SOX5: variants seen among roughly 807,000 people sequenced by gnomAD.
The protein encoded by SOX5 is transcription factor SOX-5.
SOX5 carries 9 observed loss-of-function variants against 92.0 expected under a neutral mutation model. The observed-to-expected ratio is 0.10, with a 90% CI of 0.06 to 0.17. The LOEUF (loss-of-function observed/expected upper bound fraction) is 0.17, where lower values mean the gene tolerates loss of function less well. Ranked by LOEUF, SOX5 falls within the 10% of genes least tolerant of loss-of-function variation. The pLI is 1.00. For synonymous variants in SOX5, 344 were observed against 336.3 expected (o/e 1.02, Z -0.25); for missense variants, 642 against 944.5 (o/e 0.68, Z 4.20).
At chr12:24,121,504 G>C (rs1468345998) in intron 4 of SOX5, among the ~76,000 whole-genome samples, 2 of 150,876 alleles carry the variant, frequency 1.3e-5, no homozygotes, top group Non-Finnish European at 2.9e-5. Flanking sequence ...TGAAATCACT[G>C]ATGCTTTACA....
chr12:23,829,433 T>G (rs970571389), intron 3 of SOX5, among the ~76,000 whole-genome samples: 4 of 152,118 alleles, frequency 2.6e-5, no homozygotes, highest in Admixed American at 1.3e-4. Context: ...AAAAGAGGCC[T>G]CAGAAACAGG....
chr12:24,191,100 T>C (rs1956481550), intron 4 of SOX5, among the ~76,000 whole-genome samples: 1 of 152,180 alleles, frequency 6.6e-6, no homozygotes, highest in Non-Finnish European at 1.5e-5. Context: ...CCACCGCACC[T>C]GGCTTTAAAT....
At chr12:23,901,474 A>G (rs2137968151) in intron 1 of SOX5, among the ~76,000 whole-genome samples, 1 of 152,306 alleles carries the variant, frequency 6.6e-6, no homozygotes, top group East Asian at 1.9e-4. Context: ...CATAGTTGAT[A>G]TTTTAGTCAG....
At chr12:24,150,092 T>C (rs1362397003) in intron 4 of SOX5, among the ~76,000 whole-genome samples, 1 of 152,184 alleles carries the variant, frequency 6.6e-6, no homozygotes. Flanking sequence ...CATACATATG[T>C]CAATACTTAC....
chr12:24,045,986 A>G (rs540755697), intron 4 of SOX5, among the ~76,000 whole-genome samples: 1 of 152,246 alleles, frequency 6.6e-6, no homozygotes, highest in East Asian at 1.9e-4. Flanking sequence ...GTCTATCCCA[A>G]GCGTCTGTGT....
At chr12:24,226,268 A>G (rs1007858882) in intron 3 of SOX5, among the ~76,000 whole-genome samples, 2 of 152,120 alleles carry the variant, frequency 1.3e-5, no homozygotes, top group Non-Finnish European at 2.9e-5. Flanking sequence ...ATACATTATT[A>G]TTTTCTTGAT....
intron 4 of SOX5, among the ~76,000 whole-genome samples, chr12:24,167,174 A>G (rs1423520380): frequency 1.3e-5 from 2 of 152,214 alleles, no homozygotes; most frequent in Non-Finnish European, 1.5e-5. Context: ...CCCAAATGAC[A>G]TTCTATCTTT....
intron 1 of SOX5, among the ~76,000 whole-genome samples, chr12:23,933,452 T>G (rs1941882523): frequency 6.6e-6 from 1 of 151,570 alleles, no homozygotes; most frequent in African/African-American, 2.4e-5. Context: ...TCTAAATGAA[T>G]AAATCAAAAT....
intron 4 of SOX5, chr12:24,212,498 AG>A (rs1958738575): frequency 1.9e-6 from 1 of 533,044 alleles, no homozygotes; most frequent in Non-Finnish European, 3.9e-6. Context: ...GTAACACGGG[AG>A]GGGTTACAAG....
Position 24,000,775 on chromosome 12 carries a change from A to T in SOX5, c.-1-104751T>A, listed in dbSNP as rs190152983. On this transcript the variant is annotated intron_variant, in intron 4 of 4. Transcript: ENST00000446891. Reference sequence around the variant, plus strand: ...AGAGACTGTAATGCAAGATTTTTTTAAAAAAAGATTTAATTATATGCTGAC... The same window carrying T: ...AGAGACTGTAATGCAAGATTTTTTTTAAAAAAGATTTAATTATATGCTGAC... 5.9e-3 allele frequency among the ~76,000 whole-genome samples: 892 copies of T among 152,216 alleles called. 2 individuals carry two copies. Among genetic ancestry groups the T allele is most frequent in the Non-Finnish European group, 6.5e-3 (445 of 67,990 alleles).
At chr12:23,697,132 C>G (rs1438870680) in intron 6 of SOX5, among the ~76,000 whole-genome samples, 2 of 152,082 alleles carry the variant, frequency 1.3e-5, no homozygotes, top group Non-Finnish European at 2.9e-5. Flanking sequence ...TAGTAATTTT[C>G]TAACTTCTTG....
At chr12:23,957,779 A>G (rs1946449392) in intron 4 of SOX5, among the ~76,000 whole-genome samples, 1 of 152,194 alleles carries the variant, frequency 6.6e-6, no homozygotes, top group Admixed American at 6.5e-5. Flanking sequence ...TTACCAAATG[A>G]ATGTAATCAT....
At chr12:23,773,134 T>C (rs1433956092) in intron 3 of SOX5, among the ~76,000 whole-genome samples, 1 of 152,160 alleles carries the variant, frequency 6.6e-6, no homozygotes, top group African/African-American at 2.4e-5. Flanking sequence ...ATCTTTTAAA[T>C]CATTGTTAAT....
At chr12:23,861,365 A>G (rs1372299888) in intron 2 of SOX5, among the ~76,000 whole-genome samples, 1 of 152,190 alleles carries the variant, frequency 6.6e-6, no homozygotes, top group African/African-American at 2.4e-5. Flanking sequence ...TTTCATTCCC[A>G]TTAAGAAATT....
At chr12:23,670,672 C>T (rs1170468817) in intron 6 of SOX5, among the ~76,000 whole-genome samples, 1 of 151,518 alleles carries the variant, frequency 6.6e-6, no homozygotes, top group Admixed American at 6.6e-5. Flanking sequence ...AAAATCAGGC[C>T]TGACAGAAGA....
chr12:24,445,055 G>A (rs1596716498), intron 1 of SOX5, among the ~76,000 whole-genome samples: 1 of 152,018 alleles, frequency 6.6e-6, no homozygotes, highest in Non-Finnish European at 1.5e-5. Flanking sequence ...TGATTCCACC[G>A]GTACCTCCAG....
rs184637573 is a variant in SOX5 at position 24,121,225 on chromosome 12, T to C, written c.-2+92118A>G. Among the ~76,000 whole-genome samples, 296 of 152,310 alleles carry C rather than the reference T, an allele frequency of 1.9e-3. 2 individuals are homozygous for C. The highest frequency in any genetic ancestry group is 7.0e-3 in the African/African-American group (290 of 41,570). ...CAGAAATATTTACGATGACTACTGA[T>C]AATAAATACAGATCCATGAATATGA... On this transcript the variant is annotated intron_variant, in intron 4 of 4. Transcript: ENST00000446891.
intron 7 of SOX5, among the ~76,000 whole-genome samples, chr12:23,653,049 T>C (rs12819891): frequency 4.7e-4 from 28 of 59,100 alleles, no homozygotes; most frequent in South Asian, 9.7e-4. Flanking sequence ...GATGGATGGA[T>C]GGATGGATGG....
intron 7 of SOX5, among the ~76,000 whole-genome samples, chr12:23,644,087 G>A (rs2080501012): frequency 6.6e-6 from 1 of 152,156 alleles, no homozygotes; most frequent in Non-Finnish European, 1.5e-5. Flanking sequence ...TATGGCTAAA[G>A]TAATGCTATT....
Sources: gnomAD v4.1 joint callset for allele counts (sites outside exome capture counted in the v4.1 genomes callset) on GRCh38, gnomAD v4.1.1 for gene constraint, MANE v1.5 for transcripts, NCBI Gene and HGNC (gene_info 2026-07-23, HGNC 2026-07-21) for gene names.